Variants in HPSE2 observed in about 807,000 individuals in gnomAD.
HPSE2 encodes the protein inactive heparanase-2.
HPSE2 carries 38 observed loss-of-function variants against 60.5 expected under a neutral mutation model. The ratio of observed to expected loss-of-function variants is 0.63; its 90% confidence interval spans 0.48 to 0.82. HPSE2 has a LOEUF of 0.82. Ranked by LOEUF, HPSE2 falls within the 40% of genes least tolerant of loss-of-function variation. The pLI is 0.00. For synonymous variants in HPSE2, 295 were observed against 293.2 expected (o/e 1.01, Z -0.06); for missense variants, 713 against 740.4 (o/e 0.96, Z 0.43).
chr10:98,546,466 A>G (rs552882745), intron 9 of HPSE2, among the ~76,000 whole-genome samples: 200 of 151,050 alleles, frequency 1.3e-3, no homozygotes, highest in African/African-American at 4.5e-3. Flanking sequence ...ATATAGATCA[A>G]TGGAACAGAA....
intron 2 of HPSE2, among the ~76,000 whole-genome samples, chr10:99,186,542 C>CAAAAAAAAAAAAAAA (rs60186369): frequency 1.7e-5 from 1 of 59,456 alleles, no homozygotes; most frequent in East Asian, 6.3e-4. Flanking sequence ...GACTCCATCT[C>CAAAAAAAAAAAAAAA]AAAAAAAAAA....
intron 3 of HPSE2, among the ~76,000 whole-genome samples, chr10:98,919,056 A>T (rs890007306): frequency 2.0e-5 from 3 of 152,160 alleles, no homozygotes; most frequent in Admixed American, 2.0e-4. Context: ...TATAAAACAT[A>T]GAGCCTGCAA....
rs1220452299 is a variant in HPSE2, at chr10:99,235,843, G to A, written c.-41C>T. 2 of 1,559,460 alleles carry A rather than the reference G, an allele frequency of 1.3e-6. No homozygotes were observed. The highest frequency in any genetic ancestry group is 1.8e-6 in the Non-Finnish European group (2 of 1,132,538). On this transcript the variant is annotated 5_prime_UTR_variant, in exon 1 of 12. Transcript: ENST00000370552. ...TAAACCTCTCTTCCTACTGGGTCTCGCTAGTGACTAATTGTCCTTATCTAA... is the reference window on the plus strand; with the variant it reads ...TAAACCTCTCTTCCTACTGGGTCTCACTAGTGACTAATTGTCCTTATCTAA...
intron 3 of HPSE2, among the ~76,000 whole-genome samples, chr10:98,915,535 T>C (rs1433999477): frequency 2.0e-5 from 3 of 152,164 alleles, no homozygotes; most frequent in Non-Finnish European, 4.4e-5. Context: ...TATAAATAAA[T>C]GCTTCTAGAA....
chr10:99,291,858 G>A, the HPSE2 span, among the ~76,000 whole-genome samples: 1 of 152,094 alleles, frequency 6.6e-6, no homozygotes, highest in South Asian at 2.1e-4. Flanking sequence ...AGTTATAAAA[G>A]ATAATGGCCT....
intron 6 of HPSE2, among the ~76,000 whole-genome samples, chr10:98,681,163 A>C (rs11189746): frequency 0.53 from 80,535 of 151,738 alleles, 22,905 homozygotes; most frequent in South Asian, 0.77. Flanking sequence ...CTTTCTCAAA[A>C]ATGAACAAAG....
intron 3 of HPSE2, among the ~76,000 whole-genome samples, chr10:98,870,109 T>C (rs965557345): frequency 1.3e-5 from 2 of 152,186 alleles, no homozygotes; most frequent in African/African-American, 2.4e-5. Context: ...AGGTCACATA[T>C]AATGTAGAAA....
At chr10:98,522,787 G>A (rs1054380692) in intron 9 of HPSE2, among the ~76,000 whole-genome samples, 2 of 152,268 alleles carry the variant, frequency 1.3e-5, no homozygotes, top group Non-Finnish European at 2.9e-5. Flanking sequence ...CTTCGTCAGC[G>A]AATCTTTGAA....
chr10:99,273,435 T>A, the HPSE2 span, among the ~76,000 whole-genome samples: 1 of 152,108 alleles, frequency 6.6e-6, no homozygotes, highest in African/African-American at 2.4e-5. Flanking sequence ...TAAATAAAAT[T>A]TTTTTAGTTG....
chr10:98,503,205 T>A (rs1278245542), intron 9 of HPSE2, among the ~76,000 whole-genome samples: 1 of 118,076 alleles, frequency 8.5e-6, no homozygotes. Context: ...ACAGCAAGAC[T>A]CCATCAGAAA....
At chr10:99,168,889 A>G (rs1215794084) in intron 2 of HPSE2, among the ~76,000 whole-genome samples, 2 of 152,120 alleles carry the variant, frequency 1.3e-5, no homozygotes, top group Non-Finnish European at 2.9e-5. Flanking sequence ...GGTTAAGGAG[A>G]GTGGTTAAAA....
At chr10:98,936,222 T>C (rs1490761615) in intron 3 of HPSE2, among the ~76,000 whole-genome samples, 1 of 144,104 alleles carries the variant, frequency 6.9e-6, no homozygotes, top group South Asian at 2.1e-4. Context: ...AAGCCAGTGG[T>C]TCTTAGCTTG....
At chr10:98,964,337 A>G (rs944396079) in intron 3 of HPSE2, among the ~76,000 whole-genome samples, 1 of 152,186 alleles carries the variant, frequency 6.6e-6, no homozygotes, top group Admixed American at 6.5e-5. Context: ...GAAGTTTATT[A>G]AAAGTGGAAT....
rs943930156 is a variant in HPSE2 at position 98,690,227 on chromosome 10, C to T, written c.1004+3673G>A. Among the ~76,000 whole-genome samples, 30 of 152,114 alleles carry T rather than the reference C, an allele frequency of 2.0e-4. 1 individual carries two copies. The highest frequency in any genetic ancestry group is 4.1e-4 in the South Asian group (2 of 4,826). ...TTCTGTTTGAGTTCTAGTTACCTCCCGATGCATGAATTGTTAAATAACTAC... is the reference window on the plus strand; with the variant it reads ...TTCTGTTTGAGTTCTAGTTACCTCCTGATGCATGAATTGTTAAATAACTAC... On this transcript the variant is annotated intron_variant, in intron 6 of 11. Coordinates refer to ENST00000370552, the MANE Select transcript of HPSE2 (RefSeq NM_021828.5).
intron 3 of HPSE2, among the ~76,000 whole-genome samples, chr10:99,015,523 A>G (rs1016119976): frequency 6.6e-6 from 1 of 152,180 alleles, no homozygotes; most frequent in African/African-American, 2.4e-5. Context: ...TTGTAGGGAC[A>G]TGGATGAAGC....
intron 3 of HPSE2, among the ~76,000 whole-genome samples, chr10:98,759,391 C>T (rs1458061827): frequency 6.6e-6 from 1 of 152,106 alleles, no homozygotes; most frequent in Admixed American, 6.5e-5. Flanking sequence ...CACTTTTCCC[C>T]TGTGATATCT....
intron 3 of HPSE2, among the ~76,000 whole-genome samples, chr10:98,857,879 A>G (rs137917287): frequency 3.9e-5 from 6 of 152,318 alleles, no homozygotes; most frequent in East Asian, 1.9e-4. Context: ...AGCATAAAAC[A>G]TAATGCAATC....
intron 2 of HPSE2, among the ~76,000 whole-genome samples, chr10:99,157,503 AG>A (rs1437200807): frequency 2.7e-5 from 3 of 111,490 alleles, no homozygotes; most frequent in Non-Finnish European, 5.9e-5. Context: ...CAATGGGGAA[AG>A]GATTCCCTAT....
Position 99,168,236 on chromosome 10 carries a change from A to G in HPSE2, c.449-23837T>C, listed in dbSNP as rs1047341119. Among the ~76,000 whole-genome samples, 14 of 152,242 alleles carry G rather than the reference A, an allele frequency of 9.2e-5. No homozygotes were observed. The South Asian group carries it at 2.7e-3, about 29-fold the overall frequency. On this transcript the variant is annotated intron_variant, in intron 2 of 11. Coordinates refer to ENST00000370552, the MANE Select transcript of HPSE2 (RefSeq NM_021828.5). ...ATGACATATCTCCATGTAGGTCTTC[A>G]TGTTTTTCAATAAAATTTTATAATT...
Sources: gnomAD v4.1 joint callset for allele counts (sites outside exome capture counted in the v4.1 genomes callset) on GRCh38, gnomAD v4.1.1 for gene constraint, MANE v1.5 for transcripts, NCBI Gene and HGNC (gene_info 2026-07-23, HGNC 2026-07-21) for gene names.